TUBGCP5: variants seen among roughly 807,000 people sequenced by gnomAD.
TUBGCP5 encodes the protein tubulin gamma complex component 5.
Under a neutral mutation model 134.7 loss-of-function variants are expected in TUBGCP5, and 98 were observed. That is an observed-to-expected ratio of 0.73 (90% confidence interval 0.62 to 0.86). The LOEUF is 0.86. Among genes scored for constraint, TUBGCP5 ranks in the 40% least tolerant of loss-of-function variants. The pLI, the probability that TUBGCP5 is intolerant of heterozygous loss-of-function variation, is 0.00. For synonymous variants in TUBGCP5, 456 were observed against 431.4 expected (o/e 1.06, Z -0.71); for missense variants, 1,150 against 1,244.8 (o/e 0.92, Z 1.15).
rs549542762 is a variant in TUBGCP5 at position 22,999,936 on chromosome 15, G to T, written c.3029-70C>A. The T allele has an allele frequency of 3.8e-3, 5,436 of 1,412,552 alleles. 33 individuals are homozygous for T. Among genetic ancestry groups the T allele is most frequent in the Non-Finnish European group, 4.6e-3 (4,674 of 1,005,360 alleles). 87.5% of individuals were successfully genotyped at this position (1,412,552 alleles called of 1,614,324 possible). A position where few individuals can be genotyped will look rare whatever the true frequency, so the allele number is the denominator to read the frequency against. On this transcript the variant is annotated intron_variant, in intron 22 of 22. Transcript: ENST00000615383. ...TTGAAAAAAAATTTTTTTTGAAGAC[G>T]GAGTCCCACTGTCACCCAGGCTGGA...
chr15:23,016,534 A>G (rs991607479), intron 13 of TUBGCP5, among the ~76,000 whole-genome samples: 3 of 151,826 alleles, frequency 2.0e-5, no homozygotes, highest in African/African-American at 7.3e-5. Context: ...CTGAACAGAC[A>G]TTTCTCCAAA....
At chr15:23,021,408 C>T (rs2065685154) in intron 11 of TUBGCP5, among the ~76,000 whole-genome samples, 1 of 152,144 alleles carries the variant, frequency 6.6e-6, no homozygotes, top group East Asian at 1.9e-4. Context: ...TCTCAAACTC[C>T]TGGGCTCAAT....
intron 11 of TUBGCP5, among the ~76,000 whole-genome samples, chr15:23,019,730 G>A: frequency 6.6e-6 from 1 of 151,986 alleles, no homozygotes; most frequent in East Asian, 1.9e-4. Context: ...CTGGCAGGTG[G>A]AGGCTGCAAT....
rs775171582 is a variant in TUBGCP5 at position 23,005,425 on chromosome 15, C to T, written c.2712+7G>A. On this transcript the variant is annotated splice_region_variant and intron_variant, in intron 19 of 22. Coordinates refer to ENST00000615383, the MANE Select transcript of TUBGCP5 (RefSeq NM_052903.6). Reference sequence around the variant, plus strand: ...ATAGAACTGAAGCAGATGGGAGAGGCACAAACCCTGGTCATGATGTAGTTG... The same window carrying T: ...ATAGAACTGAAGCAGATGGGAGAGGTACAAACCCTGGTCATGATGTAGTTG... 5 of 1,613,516 alleles carry T rather than the reference C, an allele frequency of 3.1e-6. No individual in the cohort carries two copies. The highest frequency in any genetic ancestry group is 4.2e-6 in the Non-Finnish European group (5 of 1,179,636).
At position 23,039,515 on chromosome 15, in the gene TUBGCP5, C is replaced by G. The variant is rs1207734957; in HGVS notation, c.29G>C (p.Arg10Pro). The G allele has an allele frequency of 4.0e-6, 6 of 1,502,410 alleles. No homozygotes were observed. Among genetic ancestry groups the G allele is most frequent in the Non-Finnish European group, 5.4e-6 (6 of 1,117,342 alleles). 93.1% of individuals were successfully genotyped at this position (1,502,410 alleles called of 1,614,324 possible). ...GTCGCGCTCCTGCTGCGCGTCCAACCGACTCCACGGTGGCCCGTGCCGCGC... is the reference window on the plus strand; with the variant it reads ...GTCGCGCTCCTGCTGCGCGTCCAACGGACTCCACGGTGGCCCGTGCCGCGC... MARHGPPWSRLDAQQERDVR... is the reference protein window; with the variant it reads MARHGPPWSPLDAQQERDVR... The change falls in exon 1 of 23, where the codon CGG becomes CCG. Residue 10 changes from arginine (R) to proline (P), a missense_variant. This residue lies in a region of TUBGCP5 where 453 missense variants were observed against 394.7 expected (regional missense o/e 1.15). Transcript: ENST00000615383.
chr15:22,999,719 C>CGTAAA lies in TUBGCP5; in HGVS notation c.*100_*101insTTTAC. 2 of 1,394,286 alleles carry CGTAAA rather than the reference C, an allele frequency of 1.4e-6. No homozygotes were observed. Among genetic ancestry groups the CGTAAA allele is most frequent in the Non-Finnish European group, 2.0e-6 (2 of 990,754 alleles). The allele number at this position is 1,394,286 out of a possible 1,614,324, so 86.4% of individuals were successfully genotyped here. On this transcript the variant is annotated 3_prime_UTR_variant, in exon 23 of 23. Transcript: ENST00000615383. Reference sequence around the variant, plus strand: ...CCAGGCTGACTGTGGACAAGTTTTACAAATAAACCAAAATAAAAATATTTT... The same window carrying CGTAAA: ...CCAGGCTGACTGTGGACAAGTTTTACGTAAAAAATAAACCAAAATAAAAATATTTT...
At chr15:23,018,738 C>T (rs1465199519) in intron 12 of TUBGCP5, among the ~76,000 whole-genome samples, 1 of 152,022 alleles carries the variant, frequency 6.6e-6, no homozygotes, top group African/African-American at 2.4e-5. Flanking sequence ...AATCAATTAA[C>T]TGAAGGGAAA....
chr15:23,005,796 T>A (rs1697224430), intron 18 of TUBGCP5, 186 bp from the exon 19 acceptor site: 2 of 699,816 alleles, frequency 2.9e-6, no homozygotes, highest in Non-Finnish European at 2.3e-6. Context: ...TGTATCACTT[T>A]TCCTAATCAA....
exon 24 of TUBGCP5, chr15:22,983,401 T>C (rs1175802053): frequency 6.6e-6 from 1 of 152,216 alleles, no homozygotes; most frequent in Non-Finnish European, 1.5e-5. Context: ...TAGCACACTC[T>C]ACACTGTATA....
intron 23 of TUBGCP5, among the ~76,000 whole-genome samples, chr15:22,992,652 G>A (rs1040877136): frequency 7.2e-5 from 11 of 152,112 alleles, no homozygotes; most frequent in African/African-American, 2.7e-4. Flanking sequence ...TGACACTAAA[G>A]TGCTTTGAAC....
At chr15:23,033,701 A>T (rs1049185773) in intron 3 of TUBGCP5, among the ~76,000 whole-genome samples, 1 of 152,254 alleles carries the variant, frequency 6.6e-6, no homozygotes, top group African/African-American at 2.4e-5. Flanking sequence ...TACAGGTAAT[A>T]CAAATATACA....
intron 6 of TUBGCP5, among the ~76,000 whole-genome samples, chr15:23,027,638 C>A (rs139115413): frequency 0.011 from 1,706 of 151,690 alleles, 29 homozygotes; most frequent in African/African-American, 0.04. Context: ...TGCTTGTTCT[C>A]GGGAGGCTGA....
At chr15:23,004,733 AC>A (rs1190480208) in intron 19 of TUBGCP5, among the ~76,000 whole-genome samples, 1 of 152,188 alleles carries the variant, frequency 6.6e-6, no homozygotes, top group Non-Finnish European at 1.5e-5. Flanking sequence ...ATGAAGGCCA[AC>A]CTTGTGAAGG....
intron 18 of TUBGCP5, 109 bp downstream of exon 18, chr15:23,005,943 C>CTTT (rs1346761848): frequency 2.6e-5 from 21 of 803,226 alleles, no homozygotes; most frequent in Admixed American, 1.1e-4. Flanking sequence ...CAACCACCAA[C>CTTT]TTTTTTTTTT....
intron 13 of TUBGCP5, among the ~76,000 whole-genome samples, chr15:23,017,055 T>C (rs1428380691): frequency 6.7e-6 from 1 of 149,172 alleles, no homozygotes; most frequent in Non-Finnish European, 1.5e-5. Flanking sequence ...ATGGTGGACA[T>C]TAAGTGAAAT....
rs1190961158 is a variant in TUBGCP5, at chr15:23,031,023, G to C, written c.487-3C>G. On this transcript the variant is annotated splice_region_variant and splice_polypyrimidine_tract_variant and intron_variant, in intron 5 of 22. Coordinates refer to ENST00000615383, the MANE Select transcript of TUBGCP5 (RefSeq NM_052903.6). ...TCTTCACTTTCTTCAGACCAATTCTGATTTAAAAAAGAGATACACTTTAGC... is the reference window on the plus strand; with the variant it reads ...TCTTCACTTTCTTCAGACCAATTCTCATTTAAAAAAGAGATACACTTTAGC... 3 of 1,604,342 alleles carry C rather than the reference G, an allele frequency of 1.9e-6. No individual in the cohort carries two copies. Among genetic ancestry groups the C allele is most frequent in the Non-Finnish European group, 1.7e-6 (2 of 1,177,334 alleles).
chr15:23,008,148 C>T (rs1258400494), intron 16 of TUBGCP5, among the ~76,000 whole-genome samples: 1 of 152,104 alleles, frequency 6.6e-6, no homozygotes, highest in African/African-American at 2.4e-5. Context: ...AGCAATCCTC[C>T]CACCTTGGCC....
At chr15:23,009,414 GC>G (rs1300713152) in intron 15 of TUBGCP5, among the ~76,000 whole-genome samples, 2 of 151,824 alleles carry the variant, frequency 1.3e-5, no homozygotes, top group Non-Finnish European at 2.9e-5. Context: ...GACTACAGGC[GC>G]CCGGCACCAC....
chr15:23,027,615 G>C (rs1025885395), intron 6 of TUBGCP5, among the ~76,000 whole-genome samples: 1 of 151,694 alleles, frequency 6.6e-6, no homozygotes, highest in South Asian at 2.1e-4. Flanking sequence ...AATTAGCCAG[G>C]GATGGTGGCA....
Sources: allele counts gnomAD v4.1 joint callset (sites outside exome capture counted in the v4.1 genomes callset), GRCh38; gene constraint gnomAD v4.1.1; regional missense constraint gnomAD v4.1.1; transcripts MANE v1.5; gene names NCBI Gene and HGNC (gene_info 2026-07-23, HGNC 2026-07-21).